Variants in SEC22A observed in about 807,000 individuals in gnomAD.
SEC22A encodes vesicle-trafficking protein SEC22a.
SEC22A carries 22 observed loss-of-function variants against 35.3 expected under a neutral mutation model. The ratio of observed to expected loss-of-function variants is 0.62; its 90% confidence interval spans 0.45 to 0.89. The LOEUF is 0.89. SEC22A is among the 40% of genes least tolerant of loss of function. The pLI is 0.00. For synonymous variants in SEC22A, 119 were observed against 129.5 expected, an observed-to-expected ratio of 0.92 and a Z score of 0.55; for missense variants, 354 against 362.5, an observed-to-expected ratio of 0.98 and a Z score of 0.19.
At position 123,209,274 on chromosome 3, in the gene SEC22A, T is replaced by C. The variant is rs1185820980; in HGVS notation, c.57T>C (p.Ser19=). 3.1e-6 allele frequency: 5 copies of C among 1,614,144 alleles called. No individual in the cohort carries two copies. The highest frequency in any genetic ancestry group is 1.6e-4 in the Middle Eastern group (1 of 6,062). Residue 19 remains serine (S), a synonymous_variant, in exon 2 of 7, where the codon TCT becomes TCC. Transcript: ENST00000492595. Reference sequence around the variant, plus strand: ...GTGTCAGAGATGGACTGCCACTTTCTGCTTCTACTGATTATGAACAAAGCA... The same window carrying C: ...GTGTCAGAGATGGACTGCCACTTTCCGCTTCTACTGATTATGAACAAAGCA... ...VIRVRDGLPL[S]ASTDYEQSTG... is the part of the protein sequence containing the mutation.
At chr3:123,217,203 A>ATTTT (rs201483175) in intron 2 of SEC22A, among the ~76,000 whole-genome samples, 1 of 144,808 alleles carries the variant, frequency 6.9e-6, no homozygotes, top group African/African-American at 2.5e-5. Context: ...ATTCCAAAAC[A>ATTTT]TTTTTTTTTT....
At chr3:123,248,297 T>C (rs566524698) in intron 5 of SEC22A, among the ~76,000 whole-genome samples, 414 of 152,270 alleles carry the variant, frequency 2.7e-3, no homozygotes, top group African/African-American at 9.6e-3. Context: ...CATGACTAAG[T>C]AGGATATTGT....
At chr3:123,245,643 C>T (rs1433542976) in intron 4 of SEC22A, among the ~76,000 whole-genome samples, 3 of 151,508 alleles carry the variant, frequency 2.0e-5, no homozygotes, top group South Asian at 2.1e-4. Context: ...AGGCTTGTAG[C>T]GAGCTGTGAT....
intron 6 of SEC22A, among the ~76,000 whole-genome samples, chr3:123,263,081 C>T (rs1448554742): frequency 6.6e-6 from 1 of 152,196 alleles, no homozygotes; most frequent in African/African-American, 2.4e-5. Flanking sequence ...CTAACCGCTC[C>T]TTAATCTCTG....
chr3:123,272,866 GTGGCT>G lies in SEC22A; in HGVS notation c.*1146_*1150del, dbSNP rs2108118703. ...GCTTGACTGTAGTAAGAATCAGAAGGTGGCTTTCCTAGCAACTCATTATTTTATGG... is the reference window on the plus strand; with the variant it reads ...GCTTGACTGTAGTAAGAATCAGAAGGTTCCTAGCAACTCATTATTTTATGG... On this transcript the variant is annotated 3_prime_UTR_variant, in exon 7 of 7. Transcript: ENST00000492595. The G allele has an allele frequency of 6.5e-6, 1 of 153,882 alleles. No individual in the cohort carries two copies. The highest frequency in any genetic ancestry group is 2.4e-5 in the African/African-American group (1 of 41,582). 9.5% of individuals were successfully genotyped at this position (153,882 alleles called of 1,614,324 possible).
At chr3:123,263,523 TG>T (rs1937941474) in intron 6 of SEC22A, among the ~76,000 whole-genome samples, 1 of 152,228 alleles carries the variant, frequency 6.6e-6, no homozygotes, top group South Asian at 2.1e-4. Flanking sequence ...GGCATTTTTT[TG>T]TTGTTTTTTT....
chr3:123,250,340 G>T (rs868502683), intron 5 of SEC22A, among the ~76,000 whole-genome samples: 1 of 152,258 alleles, frequency 6.6e-6, no homozygotes, highest in East Asian at 1.9e-4. Flanking sequence ...AACCTGGAAG[G>T]TGGAGGTTGC....
chr3:123,209,051 C>T lies in SEC22A; in HGVS notation c.-19-148C>T, dbSNP rs1004987386. On this transcript the variant is annotated intron_variant, in intron 1 of 6. Transcript: ENST00000492595. ...CTTGTGATCCACCCTCCTCAGCCAC[C>T]CAAAGTGCTGGGATTACAGGTGTGA... 6.9e-6 allele frequency: 4 copies of T among 577,096 alleles called. No individual in the cohort carries two copies. The African/African-American group carries it at 7.5e-5, about 11-fold the overall frequency. 35.7% of individuals were successfully genotyped at this position (577,096 alleles called of 1,614,324 possible).
intron 4 of SEC22A, among the ~76,000 whole-genome samples, chr3:123,231,092 A>G (rs1937317850): frequency 6.6e-6 from 1 of 152,204 alleles, no homozygotes; most frequent in South Asian, 2.1e-4. Flanking sequence ...ATAATGATAA[A>G]AGGGTGAATC....
At chr3:123,254,651 C>T (rs980738794) in intron 5 of SEC22A, among the ~76,000 whole-genome samples, 5 of 152,308 alleles carry the variant, frequency 3.3e-5, no homozygotes, top group African/African-American at 9.6e-5. Context: ...CCAAAAAAGC[C>T]TCTTTACGTA....
chr3:123,260,170 C>CAAAAAAAA (rs1937855951), intron 6 of SEC22A, among the ~76,000 whole-genome samples: 5 of 75,988 alleles, frequency 6.6e-5, no homozygotes, highest in African/African-American at 3.0e-4. Context: ...AAAAAAAAAA[C>CAAAAAAAA]TACTAGATTT....
chr3:123,249,866 G>A (rs13091925), intron 5 of SEC22A, among the ~76,000 whole-genome samples: 41,879 of 151,906 alleles, frequency 0.28, 7,192 homozygotes, highest in Non-Finnish European at 0.4. Context: ...GGTTTCAGTA[G>A]CTCTGTGTCA....
At chr3:123,210,456 A>G (rs1169670809) in intron 2 of SEC22A, among the ~76,000 whole-genome samples, 1 of 152,230 alleles carries the variant, frequency 6.6e-6, no homozygotes, top group Non-Finnish European at 1.5e-5. Context: ...AGGAGAGGAT[A>G]AGTGCGTCTC....
chr3:123,269,821 A>G (rs562522869), intron 6 of SEC22A, among the ~76,000 whole-genome samples: 6 of 151,924 alleles, frequency 3.9e-5, no homozygotes, highest in Non-Finnish European at 7.4e-5. Flanking sequence ...TTTAGTAGAG[A>G]CAGGGTTTCA....
At chr3:123,245,582 G>A (rs544380210) in intron 4 of SEC22A, among the ~76,000 whole-genome samples, 39 of 152,074 alleles carry the variant, frequency 2.6e-4, no homozygotes, top group Non-Finnish European at 4.0e-4. Flanking sequence ...GCCTGTAATC[G>A]TAGATAGTCG....
chr3:123,267,565 T>C (rs184175475), intron 6 of SEC22A, among the ~76,000 whole-genome samples: 1 of 152,294 alleles, frequency 6.6e-6, no homozygotes, highest in African/African-American at 2.4e-5. Context: ...GCCAGTGTTA[T>C]AATGATTTTT....
chr3:123,212,426 T>G (rs1405821602), intron 2 of SEC22A, among the ~76,000 whole-genome samples: 1 of 152,218 alleles, frequency 6.6e-6, no homozygotes, highest in Non-Finnish European at 1.5e-5. Flanking sequence ...GTCATTATTC[T>G]GAGTTTTATT....
chr3:123,209,541 G>A (rs991027956), intron 2 of SEC22A, 142 bp downstream of exon 2: 2 of 643,132 alleles, frequency 3.1e-6, no homozygotes, highest in African/African-American at 3.7e-5. Context: ...ATACTAAATA[G>A]TCATCATGTC....
chr3:123,271,952 A>G lies in SEC22A; in HGVS notation c.*230A>G. 1.8e-6 allele frequency: 1 copy of G among 557,228 alleles called. No individual in the cohort carries two copies. Among genetic ancestry groups the G allele is most frequent in the South Asian group, 2.2e-5 (1 of 45,508 alleles). The allele number at this position is 557,228 out of a possible 1,614,324, so 34.5% of individuals were successfully genotyped here. A position where few individuals can be genotyped will look rare whatever the true frequency, so the allele number is the denominator to read the frequency against. On this transcript the variant is annotated 3_prime_UTR_variant, in exon 7 of 7. Coordinates refer to ENST00000492595, the MANE Select transcript of SEC22A (RefSeq NM_012430.5). The stretch of plus-strand genomic sequence containing the variant: ...AGAGGAGGAGGGGATTTCTCTCTTC[A>G]AGGCCGTAACAGTGGAAGAACAGTC...
Sources: allele counts gnomAD v4.1 joint callset (sites outside exome capture counted in the v4.1 genomes callset), GRCh38; gene constraint gnomAD v4.1.1; transcripts MANE v1.5; gene names NCBI Gene and HGNC (gene_info 2026-07-23, HGNC 2026-07-21).